TNIK: variants seen among roughly 807,000 people sequenced by gnomAD.
The protein encoded by TNIK is TRAF2 and NCK-interacting protein kinase.
A neutral mutation model predicts 191.3 loss-of-function variants in TNIK; 49 were observed. The observed-to-expected ratio is 0.26, with a 90% CI of 0.20 to 0.32. The LOEUF (loss-of-function observed/expected upper bound fraction) is 0.32. Ranked by LOEUF, TNIK falls within the 10% of genes least tolerant of loss-of-function variation. TNIK has a pLI of 1.00. For missense variants in TNIK, 1,155 were observed against 1,702.3 expected (o/e 0.68, Z 5.66); for synonymous variants, 594 against 600.9 (o/e 0.99, Z 0.17).
intron 4 of TNIK, among the ~76,000 whole-genome samples, chr3:171,205,439 G>A (rs1357239766): frequency 6.6e-6 from 1 of 152,330 alleles, no homozygotes; most frequent in East Asian, 1.9e-4. Flanking sequence ...CTGGCAGAAT[G>A]TAGGAGCTGT....
At chr3:171,441,698 G>GT (rs1369803274) in intron 1 of TNIK, among the ~76,000 whole-genome samples, 2 of 152,188 alleles carry the variant, frequency 1.3e-5, no homozygotes, top group Admixed American at 1.3e-4. Context: ...AGGTCGTGTA[G>GT]TAAGTTTAAC....
chr3:171,310,672 C>T (rs1753922831), intron 2 of TNIK, among the ~76,000 whole-genome samples: 1 of 152,010 alleles, frequency 6.6e-6, no homozygotes, highest in South Asian at 2.1e-4. Context: ...TGAAAATTTT[C>T]CAATTCTTTT....
At chr3:171,096,286 C>T (rs1282378644) in intron 22 of TNIK, among the ~76,000 whole-genome samples, 1 of 152,036 alleles carries the variant, frequency 6.6e-6, no homozygotes, top group Non-Finnish European at 1.5e-5. Flanking sequence ...ACCCCGTCTT[C>T]AGTCCTTTCC....
intron 21 of TNIK, among the ~76,000 whole-genome samples, chr3:171,104,887 T>G (rs1342946192): frequency 6.6e-6 from 1 of 150,730 alleles, no homozygotes; most frequent in African/African-American, 2.5e-5. Context: ...GCCCACATAC[T>G]AATAAAAAAC....
At chr3:171,346,437 A>G (rs1471781092) in intron 2 of TNIK, among the ~76,000 whole-genome samples, 2 of 152,274 alleles carry the variant, frequency 1.3e-5, no homozygotes, top group East Asian at 1.9e-4. Flanking sequence ...TCATCCTTGC[A>G]CTGCACTCTA....
chr3:171,161,566 CAT>C (rs1733990240), intron 10 of TNIK, among the ~76,000 whole-genome samples: 1 of 152,130 alleles, frequency 6.6e-6, no homozygotes, highest in Non-Finnish European at 1.5e-5. Flanking sequence ...CTAGTGTTCA[CAT>C]GAGAAGGAAT....
rs1360241485 is a variant in TNIK at position 171,060,499 on chromosome 3, G to A, written c.*3382C>T. Among the ~76,000 whole-genome samples the A allele has an allele frequency of 2.0e-5, 3 of 152,166 alleles. No homozygotes were observed. Among genetic ancestry groups the A allele is most frequent in the African/African-American group, 4.8e-5 (2 of 41,438 alleles). On this transcript the variant is annotated 3_prime_UTR_variant, in exon 33 of 33. Transcript: ENST00000436636. The stretch of plus-strand genomic sequence containing the variant: ...AGCCCCTGTCCAGGTGACCTTGTGA[G>A]ATTTCACCCATAACTTAATATACCC...
At chr3:171,334,215 G>C (rs1415208262) in intron 2 of TNIK, among the ~76,000 whole-genome samples, 1 of 152,198 alleles carries the variant, frequency 6.6e-6, no homozygotes, top group African/African-American at 2.4e-5. Context: ...GTGAGATTTG[G>C]CTTTTAGGAA....
intron 7 of TNIK, among the ~76,000 whole-genome samples, chr3:171,177,703 C>G (rs952539520): frequency 2.6e-5 from 4 of 152,176 alleles, no homozygotes; most frequent in Admixed American, 6.5e-5. Context: ...CATCATTGAG[C>G]TATAATTGTC....
intron 2 of TNIK, among the ~76,000 whole-genome samples, chr3:171,349,254 T>C (rs1020916151): frequency 4.6e-5 from 7 of 152,228 alleles, no homozygotes; most frequent in African/African-American, 1.4e-4. Flanking sequence ...TGCTTATTTA[T>C]ATTTTAAATC....
intron 11 of TNIK, among the ~76,000 whole-genome samples, chr3:171,158,212 G>C (rs550954526): frequency 1.3e-5 from 2 of 152,340 alleles, no homozygotes; most frequent in African/African-American, 4.8e-5. Flanking sequence ...GCCAGGATCT[G>C]AGCCCAAGCC....
intron 2 of TNIK, among the ~76,000 whole-genome samples, chr3:171,278,469 C>T (rs1011839421): frequency 7.2e-5 from 11 of 151,958 alleles, no homozygotes; most frequent in African/African-American, 2.7e-4. Context: ...CCTATAGATA[C>T]TTATTTTTTT....
chr3:171,202,862 C>T (rs1291331384), intron 4 of TNIK, among the ~76,000 whole-genome samples: 2 of 152,106 alleles, frequency 1.3e-5, no homozygotes, highest in Middle Eastern at 3.2e-3. Context: ...CTATATTTGC[C>T]AAATTCAACC....
intron 2 of TNIK, among the ~76,000 whole-genome samples, chr3:171,278,203 C>G (rs1159753388): frequency 6.6e-6 from 1 of 152,184 alleles, no homozygotes; most frequent in Non-Finnish European, 1.5e-5. Context: ...CACAAGATCC[C>G]TCTCTCCCTT....
chr3:171,309,705 G>C (rs923747187), intron 2 of TNIK, among the ~76,000 whole-genome samples: 5 of 152,176 alleles, frequency 3.3e-5, no homozygotes, highest in African/African-American at 9.7e-5. Context: ...CTAATAGTTT[G>C]TAAAGGGTGG....
chr3:171,425,834 A>G (rs1230022812), intron 1 of TNIK, among the ~76,000 whole-genome samples: 2 of 152,060 alleles, frequency 1.3e-5, no homozygotes, highest in African/African-American at 4.8e-5. Flanking sequence ...TCAAAAAAAA[A>G]AAAAAAAAGG....
At chr3:171,139,870 C>T (rs983639514) in intron 13 of TNIK, among the ~76,000 whole-genome samples, 1 of 152,140 alleles carries the variant, frequency 6.6e-6, no homozygotes, top group African/African-American at 2.4e-5. Flanking sequence ...TTATGGACTA[C>T]CTGGAATTAA....
chr3:171,421,988 C>T (rs773465608), intron 1 of TNIK, among the ~76,000 whole-genome samples: 2 of 151,968 alleles, frequency 1.3e-5, no homozygotes, highest in East Asian at 1.9e-4. Context: ...CCTTGGCCTC[C>T]CAAATTGCTG....
chr3:171,391,644 A>T (rs1719521056), intron 1 of TNIK, among the ~76,000 whole-genome samples: 1 of 152,194 alleles, frequency 6.6e-6, no homozygotes, highest in South Asian at 2.1e-4. Flanking sequence ...GTTCTTTGTT[A>T]AGATGGTATA....
Sources: gnomAD v4.1 joint callset for allele counts (sites outside exome capture counted in the v4.1 genomes callset) on GRCh38, gnomAD v4.1.1 for gene constraint, MANE v1.5 for transcripts, NCBI Gene and HGNC (gene_info 2026-07-23, HGNC 2026-07-21) for gene names.